The following INTS12 variants were observed in gnomAD, a reference collection of about 807,000 sequenced individuals.
INTS12 encodes PHD finger protein 22.
In INTS12, 13 loss-of-function variants were observed where a neutral mutation model predicts 41.6. The observed-to-expected ratio is 0.31, with a 90% CI of 0.20 to 0.50. INTS12 has a LOEUF of 0.50. INTS12 is among the 20% of genes least tolerant of loss of function. The pLI, the probability that INTS12 is intolerant of heterozygous loss-of-function variation, is 0.98. For missense variants in INTS12, 432 were observed against 541.6 expected (o/e 0.80, Z 2.01); for synonymous variants, 199 against 191.4 (o/e 1.04, Z -0.33).
intron 6 of INTS12, among the ~76,000 whole-genome samples, chr4:105,691,578 T>A (rs902531606): frequency 2.0e-5 from 3 of 152,168 alleles, no homozygotes; most frequent in Non-Finnish European, 4.4e-5. Flanking sequence ...ATCCATGCGG[T>A]GGTTTAAGCT....
At chr4:105,686,651 CT>C in intron 7 of INTS12, 40 bp downstream of exon 7, 2 of 1,489,062 alleles carry the variant, frequency 1.3e-6, no homozygotes, top group Non-Finnish European at 1.8e-6. Flanking sequence ...GTCAACTAAA[CT>C]TTAAGATATA....
chr4:105,700,375 T>C, intron 2 of INTS12: 1 of 154,428 alleles, frequency 6.5e-6, no homozygotes, highest in East Asian at 1.9e-4. Flanking sequence ...AAGTTTACTC[T>C]GTATCAAAAT....
At chr4:105,687,769 A>G (rs575417066) in intron 6 of INTS12, among the ~76,000 whole-genome samples, 6 of 152,318 alleles carry the variant, frequency 3.9e-5, no homozygotes, top group South Asian at 4.1e-4. Flanking sequence ...CCTGGCCCAC[A>G]TGGTGAAACC....
chr4:105,707,922 G>A (rs1324255862), intron 1 of INTS12: 14 of 979,694 alleles, frequency 1.4e-5, no homozygotes, highest in Non-Finnish European at 1.7e-5. Context: ...ACCCTACCTG[G>A]CAATCTCAAA....
chr4:105,687,190 G>A (rs1372182973), intron 6 of INTS12: 2 of 235,612 alleles, frequency 8.5e-6, no homozygotes, highest in Non-Finnish European at 1.7e-5. Context: ...TCTCATTGGG[G>A]TTTGTCAAAT....
intron 6 of INTS12, 29 bp downstream of exon 6, chr4:105,691,947 T>C (rs762306662): frequency 6.7e-7 from 1 of 1,482,028 alleles, no homozygotes; most frequent in South Asian, 1.4e-5. Flanking sequence ...TGACAGACTG[T>C]TTAAAATAAA....
chr4:105,702,969 T>C (rs1190905769), intron 2 of INTS12: 2 of 984,786 alleles, frequency 2.0e-6, no homozygotes, highest in Non-Finnish European at 2.4e-6. Context: ...GTGAAAGAAG[T>C]TTACTTTCTA....
chr4:105,693,275 A>G (rs1180911589), intron 5 of INTS12, 24 bp downstream of exon 5: 3 of 1,548,650 alleles, frequency 1.9e-6, no homozygotes, highest in Non-Finnish European at 2.6e-6. Context: ...GTAACAAAAG[A>G]ATCTGTGGCA....
intron 6 of INTS12, among the ~76,000 whole-genome samples, chr4:105,687,596 G>T (rs1578380633): frequency 6.6e-6 from 1 of 152,108 alleles, no homozygotes; most frequent in African/African-American, 2.4e-5. Context: ...GTTTATAAAT[G>T]GTTATGTGCC....
chr4:105,682,719 C>A lies in INTS12; in HGVS notation c.*14G>T, dbSNP rs774933016. 27 of 1,600,722 alleles carry A rather than the reference C, an allele frequency of 1.7e-5. No homozygotes were observed. Among genetic ancestry groups the A allele is most frequent in the Middle Eastern group, 1.7e-4 (1 of 6,038 alleles). ...TCTTTAGGCTAATATGATACAAAAA[C>A]CTACTTGGCCACATTACTTCTTGAG... On this transcript the variant is annotated 3_prime_UTR_variant, in exon 8 of 8. Coordinates refer to ENST00000340139, the MANE Select transcript of INTS12 (RefSeq NM_020395.4).
chr4:105,696,005 C>A (rs149258182), intron 3 of INTS12, among the ~76,000 whole-genome samples: 4 of 152,154 alleles, frequency 2.6e-5, no homozygotes, highest in African/African-American at 7.2e-5. Context: ...AGGTGCACCA[C>A]CACACCCGGC....
intron 6 of INTS12, among the ~76,000 whole-genome samples, chr4:105,690,737 T>C (rs1437405837): frequency 6.6e-6 from 1 of 152,122 alleles, no homozygotes; most frequent in Non-Finnish European, 1.5e-5. Context: ...TTACTTTAGA[T>C]ATTAAAGGAG....
At chr4:105,693,212 T>A in intron 5 of INTS12, 87 bp downstream of exon 5, 1 of 1,109,984 alleles carries the variant, frequency 9.0e-7, no homozygotes, top group African/African-American at 1.5e-5. Context: ...TGCACAACAA[T>A]TTTTCTGATT....
rs768714170 is a variant in INTS12 at position 105,682,682 on chromosome 4, A to G, written c.*51T>C. ...GTGTATTACAGATTATATCATAATA[A>G]TAAGCCTTTCATCTTTAGGCTAATA... On this transcript the variant is annotated 3_prime_UTR_variant, in exon 8 of 8. Transcript: ENST00000340139. The G allele has an allele frequency of 9.9e-6, 13 of 1,319,404 alleles. No homozygotes were observed. In the South Asian group the frequency reaches 1.1e-4, roughly 11 times the overall value. 81.7% of individuals were successfully genotyped at this position (1,319,404 alleles called of 1,614,324 possible). A position where few individuals can be genotyped will look rare whatever the true frequency, so the allele number is the denominator to read the frequency against.
In INTS12 at chr4:105,683,018, C is replaced by T. The variant is rs756144174; in HGVS notation, c.1104G>A (p.Leu368=). Residue 368 remains leucine (L), a synonymous_variant, in exon 8 of 8, where the codon TTG becomes TTA. Coordinates refer to ENST00000340139, the MANE Select transcript of INTS12 (RefSeq NM_020395.4). Reference sequence around the variant, plus strand: ...CTGAGCGACTAAGGCCAGTTTTACCCAAGGTTAGAGGTGGAGGTGGTTTTA... The same window carrying T: ...CTGAGCGACTAAGGCCAGTTTTACCTAAGGTTAGAGGTGGAGGTGGTTTTA... ...VPLKPPPPLT[L]GKTGLSRSVS... 3 of 1,614,104 alleles carry T rather than the reference C, an allele frequency of 1.9e-6. No homozygotes were observed. Among genetic ancestry groups the T allele is most frequent in the Non-Finnish European group, 2.5e-6 (3 of 1,179,982 alleles).
intron 7 of INTS12, 60 bp downstream of exon 7, chr4:105,686,632 T>C (rs530380337): frequency 1.5e-6 from 2 of 1,346,244 alleles, no homozygotes; most frequent in Admixed American, 4.6e-5. Flanking sequence ...ATCAAGCAAC[T>C]ATTTTTTAGT....
intron 7 of INTS12, among the ~76,000 whole-genome samples, chr4:105,685,253 A>G (rs1333392502): frequency 6.6e-6 from 1 of 152,126 alleles, no homozygotes; most frequent in African/African-American, 2.4e-5. Context: ...CAAAACAAAT[A>G]TGACAGCAGT....
chr4:105,687,450 GCATCTTCAGTTTTATTTTGACCAATAA>G lies in INTS12; in HGVS notation c.658-639_658-613del, dbSNP rs1212617637. On this transcript the variant is annotated intron_variant, in intron 6 of 7. Coordinates refer to ENST00000340139, the MANE Select transcript of INTS12 (RefSeq NM_020395.4). ...ATTTTCACCCACTATTATTTTATAA[GCATCTTCAGTTTTATTTTGACCAATAA>G]CTGATTTTTTCCTTTATTTTATAAC... 2.2e-4 allele frequency among the ~76,000 whole-genome samples: 33 copies of G among 152,104 alleles called. 1 individual carries two copies. Among genetic ancestry groups the G allele is most frequent in the African/African-American group, 7.2e-4 (30 of 41,520 alleles).
chr4:105,703,567 C>T (rs996893727), intron 2 of INTS12, 81 bp downstream of exon 2: 3 of 152,240 alleles, frequency 2.0e-5, no homozygotes, highest in Non-Finnish European at 4.4e-5. Flanking sequence ...AGTTTCCCTA[C>T]TTTATAGACA....
Sources: allele counts gnomAD v4.1 joint callset (sites outside exome capture counted in the v4.1 genomes callset), GRCh38; gene constraint gnomAD v4.1.1; transcripts MANE v1.5; gene names NCBI Gene and HGNC (gene_info 2026-07-23, HGNC 2026-07-21).